Variants in FBN2 observed in about 807,000 individuals in gnomAD.
FBN2 encodes fibrillin 2.
Under a neutral mutation model 355.6 loss-of-function variants are expected in FBN2, and 105 were observed. That is an observed-to-expected ratio of 0.30 (90% CI 0.25 to 0.35). The LOEUF (loss-of-function observed/expected upper bound fraction) is 0.35, where lower values mean the gene tolerates loss of function less well. Among genes scored for constraint, FBN2 ranks in the 10% least tolerant of loss-of-function variants. FBN2 has a pLI of 1.00. For synonymous variants in FBN2, 1,350 were observed against 1,301.2 expected (o/e 1.04, Z -0.81); for missense variants, 3,280 against 3,758.7 (o/e 0.87, Z 3.33).
intron 5 of FBN2, among the ~76,000 whole-genome samples, chr5:128,500,764 G>A (rs982087593): frequency 5.3e-5 from 8 of 152,018 alleles, no homozygotes; most frequent in African/African-American, 1.9e-4. Flanking sequence ...TATTCCTTCT[G>A]AAGAGCTGAG....
chr5:128,503,357 G>A (rs1375730729), intron 5 of FBN2, among the ~76,000 whole-genome samples: 1 of 152,188 alleles, frequency 6.6e-6, no homozygotes, highest in Non-Finnish European at 1.5e-5. Flanking sequence ...AGATAGTGGG[G>A]TGGTGCTGTA....
intron 7 of FBN2, among the ~76,000 whole-genome samples, chr5:128,433,558 T>C (rs1753681337): frequency 6.6e-6 from 1 of 152,222 alleles, no homozygotes; most frequent in Admixed American, 6.5e-5. Flanking sequence ...TATAGTCACA[T>C]AGTCCTGGTA....
chr5:128,486,930 A>G (rs558726051), intron 5 of FBN2, among the ~76,000 whole-genome samples: 1 of 152,228 alleles, frequency 6.6e-6, no homozygotes, highest in South Asian at 2.1e-4. Flanking sequence ...CCATGTCCCT[A>G]CAAAGGACAT....
chr5:128,289,429 C>CA (rs960476509), intron 51 of FBN2, among the ~76,000 whole-genome samples, 177 bp from the exon 52 acceptor site: 23 of 150,512 alleles, frequency 1.5e-4, no homozygotes, highest in African/African-American at 4.6e-4. Context: ...ACTAAAAATA[C>CA]AAAAAAAAAT....
At position 128,523,798 on chromosome 5, in the gene FBN2, G is replaced by A. The variant is rs11957796; in HGVS notation, c.532+4074C>T. ...TTTTCTATTTTTTTTTATCCACCAC[G>A]CCTGGTCCATCAGAGTATACCTCCA... is the stretch of plus-strand genomic sequence containing the variant. On this transcript the variant is annotated intron_variant, in intron 4 of 64. Transcript: ENST00000262464. Among the ~76,000 whole-genome samples the A allele has an allele frequency of 9.2e-3, 1,399 of 151,530 alleles. 17 individuals carry two copies. Among genetic ancestry groups the A allele is most frequent in the African/African-American group, 0.03 (1,256 of 41,302 alleles).
intron 7 of FBN2, among the ~76,000 whole-genome samples, chr5:128,409,291 T>C (rs576566921): frequency 6.6e-6 from 1 of 152,274 alleles, no homozygotes; most frequent in African/African-American, 2.4e-5. Flanking sequence ...CATTTGAATA[T>C]GGGAGTATTT....
Position 128,344,505 on chromosome 5 carries a change from T to C in FBN2, c.3223A>G (p.Asn1075Asp), listed in dbSNP as rs768209316. Residue 1075 changes from asparagine (N) to aspartate (D), a missense_variant, in exon 25 of 65, where the codon AAT (asparagine) becomes GAT (aspartate). By Grantham distance (23) the Asn-to-Asp change is conservative. Transcript: ENST00000262464. ...LTGRPFYKDINECKAFPGMCT... is the reference protein window; with the variant it reads ...LTGRPFYKDIDECKAFPGMCT... ...ATCCCAGGAAATGCTTTGCATTCATTGATGTCTAAAAGCAGAATGAAGCCA... is the reference window on the plus strand; with the variant it reads ...ATCCCAGGAAATGCTTTGCATTCATCGATGTCTAAAAGCAGAATGAAGCCA... 1 of 1,613,752 alleles carries C rather than the reference T, an allele frequency of 6.2e-7. No homozygotes were observed. Among genetic ancestry groups the C allele is most frequent in the Non-Finnish European group, 8.5e-7 (1 of 1,179,744 alleles).
chr5:128,357,679 A>AT (rs978343479), intron 19 of FBN2, among the ~76,000 whole-genome samples: 36 of 151,818 alleles, frequency 2.4e-4, no homozygotes, highest in African/African-American at 7.2e-4. Context: ...CATAAATTGG[A>AT]TTTTTTTTTC....
At chr5:128,499,209 C>T (rs550910317) in intron 5 of FBN2, among the ~76,000 whole-genome samples, 2 of 152,068 alleles carry the variant, frequency 1.3e-5, no homozygotes, top group Non-Finnish European at 2.9e-5. Flanking sequence ...CATTATAAAT[C>T]TTTCAAAATA....
In FBN2 at chr5:128,375,114, T is replaced by C. The variant is rs543797054; in HGVS notation, c.1973-364A>G. On this transcript the variant is annotated intron_variant, in intron 14 of 64. Transcript: ENST00000262464. ...ACACTTTAACTAGAAGTAGATGCTA[T>C]GCTGATATTCATTTGGTCATTTGAT... Among the ~76,000 whole-genome samples, 5 of 152,340 alleles carry C rather than the reference T, an allele frequency of 3.3e-5. No individual in the cohort carries two copies. The South Asian group carries it at 6.2e-4, about 19-fold the overall frequency.
intron 36 of FBN2, 94 bp from the exon 37 acceptor site, chr5:128,312,889 T>C (rs778978872): frequency 7.9e-5 from 107 of 1,360,604 alleles, no homozygotes; most frequent in Non-Finnish European, 1.0e-4. Context: ...AATTCAAATT[T>C]TGTACGTTAA....
At chr5:128,272,447 GATTT>G (rs1375321721) in intron 61 of FBN2, among the ~76,000 whole-genome samples, 2 of 128,108 alleles carry the variant, frequency 1.6e-5, no homozygotes, top group Admixed American at 9.2e-5. Context: ...CAAATGGTAT[GATTT>G]ATTTGGTAAA....
chr5:128,384,366 C>T (rs1752313121), intron 11 of FBN2, among the ~76,000 whole-genome samples: 1 of 152,002 alleles, frequency 6.6e-6, no homozygotes, highest in Non-Finnish European at 1.5e-5. Context: ...TGGATATGTT[C>T]ATTATCTGAT....
chr5:128,535,842 C>T (rs1756830722), intron 2 of FBN2, among the ~76,000 whole-genome samples: 1 of 151,300 alleles, frequency 6.6e-6, no homozygotes, highest in South Asian at 2.1e-4. Context: ...ACTCAAGCCC[C>T]TTTGTAAGAG....
intron 19 of FBN2, among the ~76,000 whole-genome samples, chr5:128,359,373 C>T (rs1751582306): frequency 6.6e-6 from 1 of 151,988 alleles, no homozygotes; most frequent in Admixed American, 6.6e-5. Flanking sequence ...GACAGAAACA[C>T]TTACTGTTTG....
chr5:128,307,577 G>A (rs1348647677), intron 41 of FBN2, among the ~76,000 whole-genome samples: 2 of 150,644 alleles, frequency 1.3e-5, no homozygotes, highest in Non-Finnish European at 3.0e-5. Context: ...ATTGAAAAAG[G>A]AATTACAGAT....
chr5:128,475,020 A>G lies in FBN2; in HGVS notation c.629-10099T>C, dbSNP rs188783195. On this transcript the variant is annotated intron_variant, in intron 5 of 64. Transcript: ENST00000262464. Reference sequence around the variant, plus strand: ...TTTCCCAGTTATTTGCTGCATGAAGAACAGTGATAATCAAGTGACCCTGCT... The same window carrying G: ...TTTCCCAGTTATTTGCTGCATGAAGGACAGTGATAATCAAGTGACCCTGCT... Among the ~76,000 whole-genome samples, 22 of 152,298 alleles carry G rather than the reference A, an allele frequency of 1.4e-4. No individual in the cohort carries two copies. The East Asian group carries it at 3.5e-3, about 24-fold the overall frequency.
At chr5:128,386,238 A>G (rs1216107689) in intron 11 of FBN2, among the ~76,000 whole-genome samples, 1 of 152,168 alleles carries the variant, frequency 6.6e-6, no homozygotes, top group Non-Finnish European at 1.5e-5. Flanking sequence ...TCTTCTGCAT[A>G]TGACTAGCCA....
chr5:128,287,216 T>C, intron 54 of FBN2, 92 bp downstream of exon 54: 1 of 1,411,782 alleles, frequency 7.1e-7, no homozygotes, highest in Non-Finnish European at 1.0e-6. Context: ...TGTAAAGCTC[T>C]AGAAGAAATT....
Sources: gnomAD v4.1 joint callset for allele counts (sites outside exome capture counted in the v4.1 genomes callset) on GRCh38, gnomAD v4.1.1 for gene constraint, MANE v1.5 for transcripts, NCBI Gene and HGNC (gene_info 2026-07-23, HGNC 2026-07-21) for gene names.